Variants in ABCC5 observed in about 807,000 individuals in gnomAD.
ABCC5 encodes ATP-binding cassette sub-family C member 5.
In ABCC5, 61 loss-of-function variants were observed where a neutral mutation model predicts 160.9. The observed-to-expected ratio is 0.38, with a 90% CI of 0.31 to 0.47. The LOEUF is 0.47. Among genes scored for constraint, ABCC5 ranks in the 20% least tolerant of loss-of-function variants. ABCC5 has a pLI of 0.99. For missense variants in ABCC5, 1,308 were observed against 1,813.3 expected (o/e 0.72, Z 5.06); for synonymous variants, 666 against 700.6 (o/e 0.95, Z 0.78).
At chr3:183,961,768 T>C (rs1716760038) in intron 15 of ABCC5, 114 bp from the exon 16 acceptor site, 2 of 1,332,128 alleles carry the variant, frequency 1.5e-6, no homozygotes, top group Middle Eastern at 1.9e-4. Flanking sequence ...CAGAAGACAT[T>C]TGGCAGCATC....
chr3:183,921,041 A>G lies in ABCC5; in HGVS notation c.*259T>C. On this transcript the variant is annotated 3_prime_UTR_variant, in exon 30 of 30. Coordinates refer to ENST00000334444, the MANE Select transcript of ABCC5 (RefSeq NM_005688.4). This position sits in a 1 kb window ranked among gnomAD's most constrained non-coding sequence, Gnocchi z 4.1. Reference sequence around the variant, plus strand: ...AGCTTCATTATAGGCCTCTGATACAATTATAATAACGGTTCCCTGAACCTT... The same window carrying G: ...AGCTTCATTATAGGCCTCTGATACAGTTATAATAACGGTTCCCTGAACCTT... 3.0e-6 allele frequency: 1 copy of G among 337,654 alleles called. No individual in the cohort carries two copies. The highest frequency in any genetic ancestry group is 5.4e-6 in the Non-Finnish European group (1 of 185,674). 20.9% of individuals were successfully genotyped at this position (337,654 alleles called of 1,614,324 possible).
intron 20 of ABCC5, among the ~76,000 whole-genome samples, chr3:183,950,463 T>A (rs941450897): frequency 2.0e-5 from 3 of 152,232 alleles, no homozygotes; most frequent in African/African-American, 4.8e-5. Flanking sequence ...CCAATACCAA[T>A]GAACTGCTGT....
intron 12 of ABCC5, 104 bp from the exon 13 acceptor site, chr3:183,965,605 CG>C (rs1717147760): frequency 1.3e-6 from 2 of 1,497,576 alleles, no homozygotes; most frequent in African/African-American, 2.8e-5. Flanking sequence ...GGTAATTTCC[CG>C]GGATGCTTTT....
rs1007459061 is a variant in ABCC5 at position 183,951,382 on chromosome 3, T to G, written c.2944+59A>C. 6.3e-7 allele frequency: 1 copy of G among 1,591,500 alleles called. No homozygotes were observed. Among genetic ancestry groups the G allele is most frequent in the Non-Finnish European group, 8.6e-7 (1 of 1,168,840 alleles). ...AGATCTGCACATTTGGAGAATCATC[T>G]AGAAGGCTGGAAGCACAGTGAGCTC... is the stretch of plus-strand genomic sequence containing the variant. On this transcript the variant is annotated intron_variant, in intron 20 of 29. Transcript: ENST00000334444. This position sits in a 1 kb window ranked among gnomAD's most constrained non-coding sequence, Gnocchi z 4.7.
chr3:183,941,951 C>A (rs527509746), intron 25 of ABCC5, among the ~76,000 whole-genome samples: 2 of 150,498 alleles, frequency 1.3e-5, no homozygotes, highest in Admixed American at 6.6e-5. Flanking sequence ...TCCAGCCTGG[C>A]AACAGAGTGA....
At chr3:184,003,348 C>T (rs1002874858) in intron 2 of ABCC5, among the ~76,000 whole-genome samples, 3 of 152,320 alleles carry the variant, frequency 2.0e-5, no homozygotes, top group African/African-American at 7.2e-5. Flanking sequence ...CTACCAAGCA[C>T]GTTTCCTCTG....
rs55882083 is a variant in ABCC5 at position 184,010,798 on chromosome 3, CT to C, written c.129+3465del. 1.1e-3 allele frequency among the ~76,000 whole-genome samples: 150 copies of C among 136,598 alleles called. 1 individual carries two copies. The highest frequency in any genetic ancestry group is 1.2e-3 in the Admixed American group (16 of 13,386). 89.6% of individuals were successfully genotyped at this position (136,598 alleles called of 152,430 possible). A position where few individuals can be genotyped will look rare whatever the true frequency, so the allele number is the denominator to read the frequency against. ...CTTCAAAATCAAAATCATTCTTCTT[CT>C]TTTTTTTTTTTTTTTGGAGATGGAG... On this transcript the variant is annotated intron_variant, in intron 2 of 29. Transcript: ENST00000334444.
At chr3:183,934,940 A>G (rs1046990543) in intron 26 of ABCC5, among the ~76,000 whole-genome samples, 1 of 152,200 alleles carries the variant, frequency 6.6e-6, no homozygotes, top group Non-Finnish European at 1.5e-5. Flanking sequence ...AGAAATCTCA[A>G]GTTTAACGTG....
At chr3:183,985,604 G>A (rs1719142545) in intron 5 of ABCC5, 6 of 625,574 alleles carry the variant, frequency 9.6e-6, no homozygotes, top group East Asian at 6.1e-5. Flanking sequence ...TCTACAGTGC[G>A]ATGCTAATTC....
chr3:183,980,237 T>C (rs992395012), intron 8 of ABCC5, among the ~76,000 whole-genome samples: 1 of 152,186 alleles, frequency 6.6e-6, no homozygotes, highest in African/African-American at 2.4e-5. Flanking sequence ...GCCTAAGGCA[T>C]TGGGAACTAT....
intron 17 of ABCC5, among the ~76,000 whole-genome samples, chr3:183,954,148 G>T (rs1344481028): frequency 8.0e-6 from 1 of 124,760 alleles, no homozygotes; most frequent in Non-Finnish European, 1.7e-5. Context: ...CTCATGTTTT[G>T]TGTGTGTGTT....
chr3:183,965,971 T>A (rs559739706), intron 12 of ABCC5, among the ~76,000 whole-genome samples: 1 of 152,278 alleles, frequency 6.6e-6, no homozygotes, highest in South Asian at 2.1e-4. Context: ...AGACATCACC[T>A]AGTATTTATA....
chr3:183,927,565 C>T, intron 27 of ABCC5, 122 bp from the exon 28 acceptor site: 1 of 1,449,376 alleles, frequency 6.9e-7, no homozygotes, highest in South Asian at 1.3e-5. Context: ...GAACCTGTCT[C>T]ATCTGGAATG....
At chr3:184,002,107 T>G (rs1720790585) in intron 2 of ABCC5, among the ~76,000 whole-genome samples, 1 of 152,010 alleles carries the variant, frequency 6.6e-6, no homozygotes, top group South Asian at 2.1e-4. Flanking sequence ...GACAATGAAG[T>G]TCAGATTCTG....
intron 25 of ABCC5, 93 bp from the exon 26 acceptor site, chr3:183,938,153 C>T: frequency 7.9e-7 from 1 of 1,268,502 alleles, no homozygotes. Flanking sequence ...AACTATTTTT[C>T]CATTTCTATT....
Position 183,938,155 on chromosome 3 carries a change from A to G in ABCC5, c.3695-95T>C, listed in dbSNP as rs1387461359. ...TCAGGGCAATGCCAACTATTTTTCC[A>G]TTTCTATTCAGTTGTTATTTCAACT... is the stretch of plus-strand genomic sequence containing the variant. On this transcript the variant is annotated intron_variant, in intron 25 of 29. Coordinates refer to ENST00000334444, the MANE Select transcript of ABCC5 (RefSeq NM_005688.4). 5 of 1,244,034 alleles carry G rather than the reference A, an allele frequency of 4.0e-6. No homozygotes were observed. In the African/African-American group the frequency reaches 7.5e-5, roughly 19 times the overall value. 77.1% of individuals were successfully genotyped at this position (1,244,034 alleles called of 1,614,324 possible).
intron 14 of ABCC5, among the ~76,000 whole-genome samples, chr3:183,964,814 T>C (rs1717068589): frequency 1.3e-5 from 2 of 152,200 alleles, no homozygotes; most frequent in African/African-American, 2.4e-5. Flanking sequence ...CTCTTTCTAA[T>C]AGAAAAGGGC....
At chr3:183,924,433 A>G (rs750129896) in intron 29 of ABCC5, among the ~76,000 whole-genome samples, 3 of 152,158 alleles carry the variant, frequency 2.0e-5, no homozygotes, top group Non-Finnish European at 4.4e-5. Flanking sequence ...TTGAGAGATT[A>G]TATGTAAAGC....
intron 2 of ABCC5, among the ~76,000 whole-genome samples, chr3:183,995,310 T>G (rs1412538555): frequency 6.6e-6 from 1 of 152,180 alleles, no homozygotes; most frequent in Admixed American, 6.5e-5. Context: ...TTTACCAATT[T>G]TTTTCTTTTA....
Sources: allele counts gnomAD v4.1 joint callset (sites outside exome capture counted in the v4.1 genomes callset), GRCh38; gene constraint gnomAD v4.1.1; non-coding constraint Gnocchi (gnomAD v3.1); transcripts MANE v1.5; gene names NCBI Gene and HGNC (gene_info 2026-07-23, HGNC 2026-07-21).